RPN2: variants seen among roughly 807,000 people sequenced by gnomAD.
RPN2 encodes ribophorin II.
In RPN2, 29 loss-of-function variants were observed where a neutral mutation model predicts 71.4. The ratio of observed to expected loss-of-function variants is 0.41; its 90% confidence interval spans 0.30 to 0.55. The LOEUF (loss-of-function observed/expected upper bound fraction) is 0.55. Ranked by LOEUF, RPN2 falls within the 20% of genes least tolerant of loss-of-function variation. RPN2 has a pLI of 0.35. For missense variants in RPN2, 726 were observed against 774.1 expected, an observed-to-expected ratio of 0.94 and a Z score of 0.74; for synonymous variants, 308 against 305.0, an observed-to-expected ratio of 1.01 and a Z score of -0.10.
intron 16 of RPN2, chr20:37,238,545 T>G (rs2068464712): frequency 1.1e-6 from 1 of 880,478 alleles, no homozygotes; most frequent in Non-Finnish European, 1.9e-6. Flanking sequence ...TTCAGCCCAC[T>G]TGCTCCTCCC....
At chr20:37,211,825 C>T (rs2067677773) in intron 8 of RPN2, among the ~76,000 whole-genome samples, 1 of 151,912 alleles carries the variant, frequency 6.6e-6, no homozygotes, top group Admixed American at 6.6e-5. Context: ...GCAATCTCCA[C>T]CTCCCAGCTT....
Position 37,184,303 on chromosome 20 carries a change from C to A in RPN2, c.137C>A (p.Thr46Lys). Residue 46 changes from threonine to lysine, a missense_variant, in exon 2 of 17, where the codon ACA (threonine) becomes AAA (lysine). Thr to Lys is a moderately conservative substitution (Grantham distance 78, BLOSUM62 -1). Coordinates refer to ENST00000237530, the MANE Select transcript of RPN2 (RefSeq NM_002951.5). ...AAAGCCTCGCTGGATCGCCCTTTCA[C>A]AAATTTGGAATCTGCCTTCTACTCC... Reference protein sequence around the residue: ...RLKASLDRPFTNLESAFYSIV... With the variant: ...RLKASLDRPFKNLESAFYSIV... 6.2e-7 allele frequency: 1 copy of A among 1,614,194 alleles called. No individual in the cohort carries two copies. The highest frequency in any genetic ancestry group is 8.5e-7 in the Non-Finnish European group (1 of 1,180,036).
intron 4 of RPN2, among the ~76,000 whole-genome samples, chr20:37,203,507 A>G (rs2067442150): frequency 6.6e-6 from 1 of 151,876 alleles, no homozygotes; most frequent in Non-Finnish European, 1.5e-5. Flanking sequence ...TACCTGGCTC[A>G]TTTTTAGTAT....
At chr20:37,236,537 TTA>T in intron 15 of RPN2, 41 bp from the exon 16 acceptor site, 1 of 1,610,370 alleles carries the variant, frequency 6.2e-7, no homozygotes, top group Non-Finnish European at 8.5e-7. Flanking sequence ...CAGGGCATCA[TTA>T]TGTTTCATTT....
rs201286821 is a variant in RPN2, at chr20:37,219,234, C to G, written c.1093-4644C>G. Among the ~76,000 whole-genome samples, 5 of 152,226 alleles carry G rather than the reference C, an allele frequency of 3.3e-5. No homozygotes were observed. The East Asian group carries it at 9.6e-4, about 29-fold the overall frequency. On this transcript the variant is annotated intron_variant, in intron 9 of 16. Transcript: ENST00000237530. ...CATCGTAGTGGGTATAAAGTGGTGT[C>G]TCATTATGGTTTTGATTTCCATTTC...
At chr20:37,200,500 T>C (rs900553072) in intron 4 of RPN2, 1 of 532,870 alleles carries the variant, frequency 1.9e-6, no homozygotes, top group Non-Finnish European at 3.9e-6. Context: ...AAGAGGTTGG[T>C]GATACCAAAT....
intron 16 of RPN2, among the ~76,000 whole-genome samples, chr20:37,240,086 C>T (rs2068513157): frequency 6.6e-6 from 1 of 152,172 alleles, no homozygotes; most frequent in African/African-American, 2.4e-5. Context: ...CGTTCCCACC[C>T]TGCTATCCCC....
At chr20:37,210,631 A>G (rs2067638462) in intron 8 of RPN2, among the ~76,000 whole-genome samples, 1 of 149,220 alleles carries the variant, frequency 6.7e-6, no homozygotes, top group African/African-American at 2.5e-5. Flanking sequence ...CCTGGATTCT[A>G]GCGATTCTCC....
intron 14 of RPN2, among the ~76,000 whole-genome samples, chr20:37,232,981 G>A (rs543486691): frequency 2.0e-5 from 3 of 152,164 alleles, no homozygotes; most frequent in East Asian, 1.9e-4. Flanking sequence ...TTGGGAGGCC[G>A]AGGTGGGAGG....
chr20:37,204,033 C>T, intron 5 of RPN2, 73 bp downstream of exon 5: 2 of 1,035,474 alleles, frequency 1.9e-6, no homozygotes, highest in Non-Finnish European at 1.5e-6. Context: ...TGCAGATAGC[C>T]ATGCATGATC....
chr20:37,241,279 GTGTT>G lies in RPN2; in HGVS notation c.1884-20_1884-17del, dbSNP rs2068542599. ...GTGAACTGAAACCTTCAGTAATTCT[GTGTT>G]TGTCTCCATTTTCTTTCAGAACAGC... On this transcript the variant is annotated intron_variant, in intron 16 of 16. Coordinates refer to ENST00000237530, the MANE Select transcript of RPN2 (RefSeq NM_002951.5). 1 of 1,612,050 alleles carries G rather than the reference GTGTT, an allele frequency of 6.2e-7. No individual in the cohort carries two copies. The highest frequency in any genetic ancestry group is 1.1e-5 in the South Asian group (1 of 90,700).
At chr20:37,231,357 C>T (rs1293263845) in intron 13 of RPN2, among the ~76,000 whole-genome samples, 1 of 151,502 alleles carries the variant, frequency 6.6e-6, no homozygotes, top group Non-Finnish European at 1.5e-5. Context: ...TGTAGAATTG[C>T]TCAGGAAAAA....
At chr20:37,195,585 G>A (rs1331695005) in intron 2 of RPN2, among the ~76,000 whole-genome samples, 1 of 152,144 alleles carries the variant, frequency 6.6e-6, no homozygotes, top group Non-Finnish European at 1.5e-5. Flanking sequence ...AGATAGATTG[G>A]GGATTAAATG....
chr20:37,214,304 G>C (rs1416160509), intron 9 of RPN2, among the ~76,000 whole-genome samples: 2 of 152,262 alleles, frequency 1.3e-5, no homozygotes, highest in East Asian at 3.9e-4. Flanking sequence ...TTGGGTAAAG[G>C]ATAAAAGAAA....
Position 37,198,410 on chromosome 20 carries a change from A to G in RPN2, c.221A>G (p.Tyr74Cys), listed in dbSNP as rs967638446. 6.8e-6 allele frequency: 11 copies of G among 1,614,074 alleles called. No homozygotes were observed. The highest frequency in any genetic ancestry group is 5.0e-5 in the Admixed American group (3 of 59,996). The change falls in exon 3 of 17, where the codon TAC becomes TGC. Residue 74 changes from tyrosine to cysteine, a missense_variant. Coordinates refer to ENST00000237530, the MANE Select transcript of RPN2 (RefSeq NM_002951.5). Reference sequence around the variant, plus strand: ...CCCACTGTGTAGAAAGCATGTACCTACATCAGATCTAACCTTGATCCCAGC... The same window carrying G: ...CCCACTGTGTAGAAAGCATGTACCTGCATCAGATCTAACCTTGATCCCAGC... ...QVPDAKKACTYIRSNLDPSNV... is the reference protein window; with the variant it reads ...QVPDAKKACTCIRSNLDPSNV...
rs774662883 is a variant in RPN2 at position 37,213,823 on chromosome 20, C to T, written c.1050C>T (p.Val350=). 5.6e-6 allele frequency: 9 copies of T among 1,613,940 alleles called. No homozygotes were observed. Among genetic ancestry groups the T allele is most frequent in the South Asian group, 4.4e-5 (4 of 91,072 alleles). The change falls in exon 9 of 17, where the codon GTC becomes GTT. Residue 350 remains valine (V), a synonymous_variant. Coordinates refer to ENST00000237530, the MANE Select transcript of RPN2 (RefSeq NM_002951.5). ...CCAGTGGTTATTATGACTTCCTTGT[C>T]GAAGTTGAAGGTGACAACCGGTATA... is the stretch of plus-strand genomic sequence containing the variant. ...KFSSGYYDFL[V]EVEGDNRYIA...
chr20:37,234,164 GTTAA>G, intron 15 of RPN2, 69 bp downstream of exon 15: 1 of 1,485,560 alleles, frequency 6.7e-7, no homozygotes, highest in Non-Finnish European at 9.3e-7. Flanking sequence ...CAAAAGCCCT[GTTAA>G]GTAGACCCAC....
intron 16 of RPN2, chr20:37,238,653 G>A (rs890660845): frequency 2.3e-5 from 17 of 738,430 alleles, no homozygotes; most frequent in Non-Finnish European, 3.8e-5. Context: ...AGTTAGCCCA[G>A]CTGATGGGAT....
rs1534970 is a variant in RPN2, at chr20:37,236,326, A to G, written c.1754-254A>G. 0.77 allele frequency among the ~76,000 whole-genome samples: 117,508 copies of G among 152,104 alleles called. 45,843 individuals are homozygous for G. Among genetic ancestry groups the G allele is most frequent in the Middle Eastern group, 0.9 (265 of 294 alleles). Reference sequence around the variant, plus strand: ...CAGGGTGGTCTCGAACTCCTGAGCAATCCTCCTGCCTCAGCCTCCCAAAAT... The same window carrying G: ...CAGGGTGGTCTCGAACTCCTGAGCAGTCCTCCTGCCTCAGCCTCCCAAAAT... On this transcript the variant is annotated intron_variant, in intron 15 of 16. Transcript: ENST00000237530.
Sources: allele counts gnomAD v4.1 joint callset (sites outside exome capture counted in the v4.1 genomes callset), GRCh38; gene constraint gnomAD v4.1.1; transcripts MANE v1.5; gene names NCBI Gene and HGNC (gene_info 2026-07-23, HGNC 2026-07-21).